The following SLC19A1 variants were observed in gnomAD, a reference collection of about 807,000 sequenced individuals.
SLC19A1 encodes reduced folate transporter.
In SLC19A1, 37 loss-of-function variants were observed where a neutral mutation model predicts 35.3. The observed-to-expected ratio is 1.05, with a 90% CI of 0.81 to 1.38. SLC19A1 has a LOEUF of 1.38. Among genes scored for constraint, SLC19A1 ranks in the 40% most tolerant of loss-of-function variants. The pLI is 0.00. For synonymous variants in SLC19A1, 460 were observed against 398.5 expected (o/e 1.15, Z -1.84); for missense variants, 831 against 826.9 (o/e 1.00, Z -0.06).
In SLC19A1 at chr21:45,550,205, C is replaced by CCTGGTCACTT. The variant is rs2049239951; in HGVS notation, c.-49-12207_-49-12198dup. 5.3e-5 allele frequency among the ~76,000 whole-genome samples: 8 copies of CCTGGTCACTT among 152,162 alleles called. No homozygotes were observed. In the South Asian group the frequency reaches 1.7e-3, roughly 32 times the overall value. The stretch of plus-strand genomic sequence containing the variant: ...GTCTCTCCCACACCCCATGCACCGC[C>CCTGGTCACTT]CTGGTCACTTCTGTGGTTTGGGGTG... On this transcript the variant is annotated intron_variant, in intron 1 of 5. Coordinates refer to the SLC19A1 transcript ENST00000650808.
chr21:45,555,528 G>C, intron 1 of SLC19A1, among the ~76,000 whole-genome samples: 1 of 145,570 alleles, frequency 6.9e-6, no homozygotes, highest in East Asian at 2.1e-4. Context: ...GAACGGAGGT[G>C]CAGGGGGCGG....
rs2037835383 is a variant in SLC19A1, at chr21:45,515,195, A to G, written c.*463T>C. Reference sequence around the variant, plus strand: ...AAAAAAAGCATCTTTCAAAAAAGCAAGAGCACCAAGGATGACCAGCAATGT... The same window carrying G: ...AAAAAAAGCATCTTTCAAAAAAGCAGGAGCACCAAGGATGACCAGCAATGT... On this transcript the variant is annotated 3_prime_UTR_variant, in exon 6 of 6. Transcript: ENST00000311124. 6.6e-7 allele frequency: 1 copy of G among 1,522,754 alleles called. No homozygotes were observed. The highest frequency in any genetic ancestry group is 8.8e-7 in the Non-Finnish European group (1 of 1,141,106). 94.3% of individuals were successfully genotyped at this position (1,522,754 alleles called of 1,614,324 possible).
At chr21:45,553,558 A>G (rs892663913) in intron 1 of SLC19A1, among the ~76,000 whole-genome samples, 1 of 149,982 alleles carries the variant, frequency 6.7e-6, no homozygotes, top group Non-Finnish European at 1.5e-5. Context: ...CGTCACCCCC[A>G]TCATCTCCAG....
At chr21:45,554,884 C>G (rs2078527430) in intron 1 of SLC19A1, among the ~76,000 whole-genome samples, 1 of 152,010 alleles carries the variant, frequency 6.6e-6, no homozygotes, top group South Asian at 2.1e-4. Context: ...GGGCCCTGTT[C>G]CCGGCTTCAG....
At chr21:45,504,101 T>A (rs2037035500) in intron 3 of SLC19A1, 1 of 1,593,484 alleles carries the variant, frequency 6.3e-7, no homozygotes, top group Non-Finnish European at 8.6e-7. Flanking sequence ...GTCCTGTACA[T>A]CCCGCTGGGT....
chr21:45,515,191 A>G lies in SLC19A1; in HGVS notation c.*467T>C. 6.6e-7 allele frequency: 1 copy of G among 1,521,062 alleles called. No individual in the cohort carries two copies. Among genetic ancestry groups the G allele is most frequent in the Non-Finnish European group, 8.8e-7 (1 of 1,140,408 alleles). 94.2% of individuals were successfully genotyped at this position (1,521,062 alleles called of 1,614,324 possible). On this transcript the variant is annotated 3_prime_UTR_variant, in exon 6 of 6. Coordinates refer to ENST00000311124, the MANE Select transcript of SLC19A1 (RefSeq NM_194255.4). The stretch of plus-strand genomic sequence containing the variant: ...AAAAAAAAAAAGCATCTTTCAAAAA[A>G]GCAAGAGCACCAAGGATGACCAGCA...
downstream of SLC19A1, among the ~76,000 whole-genome samples, chr21:45,510,951 AACACCC>A (rs371690189): frequency 2.7e-4 from 27 of 98,826 alleles, no homozygotes; most frequent in Admixed American, 4.3e-4. Context: ...ACACACCCAC[AACACCC>A]CACATACACC....
intron 1 of SLC19A1, among the ~76,000 whole-genome samples, chr21:45,552,634 C>T (rs952916661): frequency 1.3e-5 from 2 of 151,804 alleles, no homozygotes; most frequent in South Asian, 2.1e-4. Context: ...ACAGGGCACC[C>T]GGGACAGCCC....
rs1023771767 is a variant in SLC19A1 at position 45,534,678 on chromosome 21, G to A, written c.190-2530C>T. 43 of 1,296,566 alleles carry A rather than the reference G, an allele frequency of 3.3e-5. No individual in the cohort carries two copies. Among genetic ancestry groups the A allele is most frequent in the East Asian group, 2.5e-4 (10 of 39,786 alleles). The allele number at this position is 1,296,566 out of a possible 1,614,324, so 80.3% of individuals were successfully genotyped here. ...CTTGGCAGCCACCCAGAGCCCTCCC[G>A]CTCCTCTCCCTGCACCTCCTCAACG... On this transcript the variant is annotated intron_variant, in intron 2 of 5. Transcript: ENST00000311124. This position sits in a 1 kb window ranked among gnomAD's most constrained non-coding sequence, Gnocchi z 4.2.
chr21:45,504,437 G>A lies in SLC19A1; in HGVS notation c.498-5825C>T. On this transcript the variant is annotated intron_variant, in intron 3 of 4. Transcript: ENST00000417954. ...ACAGGGGGAGAAGGGAGACCGAGGT[G>A]ATGCAGGACAGAAAGGCGAAAGGGG... The A allele has an allele frequency of 6.2e-7, 1 of 1,611,824 alleles. No individual in the cohort carries two copies. The highest frequency in any genetic ancestry group is 1.3e-5 in the African/African-American group (1 of 75,036).
rs779850136 is a variant in SLC19A1 at position 45,530,738 on chromosome 21, C to G, written c.1151+32G>C. 1.3e-6 allele frequency: 2 copies of G among 1,543,394 alleles called. No individual in the cohort carries two copies. The highest frequency in any genetic ancestry group is 1.2e-5 in the South Asian group (1 of 83,852). On this transcript the variant is annotated intron_variant, in intron 4 of 5. Transcript: ENST00000311124. This position sits in a 1 kb window ranked among gnomAD's most constrained non-coding sequence, Gnocchi z 5.3. ...GCGGGGCTTGATCCTGGCGCCTGCC[C>G]GCCCCCGGCTTCCCACCCTTCTGGA...
upstream of SLC19A1, among the ~76,000 whole-genome samples, chr21:45,549,233 C>T (rs534682810): frequency 7.2e-5 from 11 of 152,308 alleles, no homozygotes; most frequent in East Asian, 1.4e-3. Flanking sequence ...TCAGCACCCT[C>T]GTGCTGGAGG....
chr21:45,512,066 C>A, downstream of SLC19A1: 1 of 1,087,414 alleles, frequency 9.2e-7, no homozygotes, highest in Non-Finnish European at 1.4e-6. Flanking sequence ...TTGTGGGAGC[C>A]TCTGCAGCCC....
exon 1 of SLC19A1, among the ~76,000 whole-genome samples, chr21:45,562,920 G>A (rs1277081456): frequency 1.3e-5 from 2 of 152,186 alleles, no homozygotes; most frequent in Admixed American, 6.5e-5. Context: ...CCAACAGTCC[G>A]TGGAAGATCC....
At chr21:45,509,231 GGCGCAGCTCCCTGCTTGCCAGTTCAGA>G, downstream of SLC19A1, 1 of 1,319,596 alleles carries the variant, frequency 7.6e-7, no homozygotes. Flanking sequence ...CAGAGTCGGG[GGCGCAGCTCCCTGCTTGCCAGTTCAGA>G]GCCCAGCCCC....
At chr21:45,509,575 C>G (rs1225349726), downstream of SLC19A1, 2 of 1,527,594 alleles carry the variant, frequency 1.3e-6, no homozygotes. Flanking sequence ...CCCACCCGCC[C>G]ACAGCCACCG....
intron 4 of SLC19A1, among the ~76,000 whole-genome samples, chr21:45,527,744 T>G (rs1484590461): frequency 1.1e-5 from 1 of 94,806 alleles, no homozygotes; most frequent in African/African-American, 4.2e-5. Flanking sequence ...TGGAGGTGAG[T>G]GGCAGCAGGG....
At chr21:45,505,868 C>T (rs1360343516) in intron 3 of SLC19A1, 2 of 1,611,830 alleles carry the variant, frequency 1.2e-6, no homozygotes, top group Non-Finnish European at 1.7e-6. Context: ...CCAGGCCATG[C>T]TGGGCCAGGT....
intron 1 of SLC19A1, among the ~76,000 whole-genome samples, chr21:45,538,419 G>A (rs1348743795): frequency 6.6e-6 from 1 of 152,192 alleles, no homozygotes; most frequent in Non-Finnish European, 1.5e-5. Context: ...TCACCCCACA[G>A]GCCTGAGGGC....
Sources: gnomAD v4.1 joint callset for allele counts (sites outside exome capture counted in the v4.1 genomes callset) on GRCh38, gnomAD v4.1.1 for gene constraint, Gnocchi (gnomAD v3.1) non-coding constraint, MANE v1.5 for transcripts, NCBI Gene and HGNC (gene_info 2026-07-23, HGNC 2026-07-21) for gene names.